The following RHBDD1 variants were observed in gnomAD, a reference collection of about 807,000 sequenced individuals.
The protein encoded by RHBDD1 is rhomboid-related protein 4.
RHBDD1 carries 38 observed loss-of-function variants against 36.3 expected under a neutral mutation model. The observed-to-expected ratio is 1.05, with a 90% CI of 0.81 to 1.37. The LOEUF is 1.37. Among genes scored for constraint, RHBDD1 ranks in the 40% most tolerant of loss-of-function variants. RHBDD1 has a pLI of 0.00. For missense variants in RHBDD1, 393 were observed against 377.6 expected (o/e 1.04, Z -0.34); for synonymous variants, 151 against 136.5 (o/e 1.11, Z -0.74).
chr2:226,954,361 T>G (rs2149235766), intron 8 of RHBDD1, among the ~76,000 whole-genome samples: 1 of 152,316 alleles, frequency 6.6e-6, no homozygotes, highest in South Asian at 2.1e-4. Context: ...CCTACTATGA[T>G]CAAGAGAATG....
chr2:226,875,685 A>C (rs1257799136), intron 5 of RHBDD1, among the ~76,000 whole-genome samples: 1 of 152,016 alleles, frequency 6.6e-6, no homozygotes, highest in African/African-American at 2.4e-5. Context: ...AGATGATGAG[A>C]TAGACTGCTC....
rs562432426 is a variant in RHBDD1 at position 226,892,467 on chromosome 2, A to G, written c.567-14326A>G. Among the ~76,000 whole-genome samples the G allele has an allele frequency of 3.3e-5, 5 of 152,336 alleles. No homozygotes were observed. In the East Asian group the frequency reaches 9.6e-4, roughly 29 times the overall value. Reference sequence around the variant, plus strand: ...TTTCATCATCTTTGGCCATGTGCATATGACTTTTTGTACATGCGATACACT... The same window carrying G: ...TTTCATCATCTTTGGCCATGTGCATGTGACTTTTTGTACATGCGATACACT... On this transcript the variant is annotated intron_variant, in intron 5 of 8. Transcript: ENST00000392062.
the RHBDD1 span, among the ~76,000 whole-genome samples, chr2:226,824,020 C>T: frequency 1.3e-5 from 2 of 152,108 alleles, no homozygotes; most frequent in African/African-American, 4.8e-5. Flanking sequence ...TAACACAAGA[C>T]CTTTGGGGAA....
chr2:226,900,130 T>C (rs948021612), intron 5 of RHBDD1, among the ~76,000 whole-genome samples: 8 of 152,228 alleles, frequency 5.3e-5, no homozygotes, highest in African/African-American at 1.9e-4. Flanking sequence ...TAACGCACTT[T>C]GTGTATACAC....
At chr2:226,845,174 T>TA (rs545371831) in intron 3 of RHBDD1, among the ~76,000 whole-genome samples, 70 of 152,334 alleles carry the variant, frequency 4.6e-4, no homozygotes, top group African/African-American at 1.6e-3. Context: ...TTATACTTTT[T>TA]AAAAAATGCA....
chr2:226,909,273 C>CGTTTT (rs1948337162), intron 7 of RHBDD1, among the ~76,000 whole-genome samples: 1 of 152,138 alleles, frequency 6.6e-6, no homozygotes, highest in Non-Finnish European at 1.5e-5. Context: ...CCCTTGCATA[C>CGTTTT]CGTCAGATGC....
chr2:226,828,632 G>C, the RHBDD1 span, among the ~76,000 whole-genome samples: 1 of 151,922 alleles, frequency 6.6e-6, no homozygotes, highest in African/African-American at 2.4e-5. Context: ...TTCTCATTGT[G>C]GTGTTAATTT....
intron 8 of RHBDD1, among the ~76,000 whole-genome samples, chr2:226,938,230 A>G (rs1464569973): frequency 6.6e-6 from 1 of 152,022 alleles, no homozygotes; most frequent in African/African-American, 2.4e-5. Context: ...CACCACATGT[A>G]TGTCTTCTTT....
At chr2:226,907,904 G>T (rs1047437901) in intron 6 of RHBDD1, among the ~76,000 whole-genome samples, 2 of 152,094 alleles carry the variant, frequency 1.3e-5, no homozygotes, top group East Asian at 3.8e-4. Flanking sequence ...CATTAGTACT[G>T]ATAAAAGAGA....
intron 1 of RHBDD1, among the ~76,000 whole-genome samples, chr2:226,837,050 C>T (rs1447748680): frequency 1.3e-5 from 2 of 152,164 alleles, no homozygotes; most frequent in Non-Finnish European, 2.9e-5. Context: ...ACAAGCCTTC[C>T]AGTTGATACC....
chr2:226,966,132 G>A (rs1952612316), intron 8 of RHBDD1, among the ~76,000 whole-genome samples: 1 of 152,082 alleles, frequency 6.6e-6, no homozygotes, highest in Admixed American at 6.6e-5. Flanking sequence ...TCAATAAATT[G>A]CTAGTTTTTC....
At chr2:226,807,549 G>A in the RHBDD1 span, 1 of 152,172 alleles carries the variant, frequency 6.6e-6, no homozygotes, top group East Asian at 1.9e-4. Flanking sequence ...ATGAAGACAT[G>A]TTCCATGCAG....
At chr2:226,801,614 T>C in the RHBDD1 span, among the ~76,000 whole-genome samples, 1 of 152,166 alleles carries the variant, frequency 6.6e-6, no homozygotes, top group Non-Finnish European at 1.5e-5. Flanking sequence ...CCTCCCTTCT[T>C]TTCCTCTGAC....
chr2:226,863,278 G>T (rs1471996436), intron 3 of RHBDD1, among the ~76,000 whole-genome samples: 1 of 152,190 alleles, frequency 6.6e-6, no homozygotes. Context: ...GGTGGAGGTG[G>T]CAGTGAGCCA....
chr2:226,835,152 C>G (rs370704141), upstream of RHBDD1, among the ~76,000 whole-genome samples: 40 of 152,288 alleles, frequency 2.6e-4, no homozygotes, highest in South Asian at 8.3e-3. Flanking sequence ...CTCAAGCGAT[C>G]CTCCTGCCTC....
intron 5 of RHBDD1, among the ~76,000 whole-genome samples, chr2:226,880,420 C>T (rs1207654626): frequency 1.3e-5 from 2 of 152,182 alleles, no homozygotes; most frequent in Non-Finnish European, 2.9e-5. Context: ...GCAGGGGTTA[C>T]AATTGAGCAG....
In RHBDD1 at chr2:226,906,796, T is replaced by C. The variant is rs750563816; in HGVS notation, c.570T>C (p.Thr190=). 1.4e-5 allele frequency: 23 copies of C among 1,613,988 alleles called. No homozygotes were observed. The highest frequency in any genetic ancestry group is 1.9e-5 in the Non-Finnish European group (22 of 1,179,974). Residue 190 remains threonine, a synonymous_variant, in exon 6 of 9, where the codon ACT becomes ACC. Coordinates refer to ENST00000392062, the MANE Select transcript of RHBDD1 (RefSeq NM_001167608.3). ...LVAIHLFSPG[T]SFAGHLAGIL... is the part of the protein sequence containing the mutation. ...AAAGGGTCTCCTTCCCTCCTAGGAC[T>C]TCCTTCGCTGGGCATCTGGCTGGGA...
the RHBDD1 span, among the ~76,000 whole-genome samples, chr2:226,820,246 G>A: frequency 2.1e-4 from 32 of 152,124 alleles, no homozygotes; most frequent in Non-Finnish European, 4.4e-4. Context: ...ATTAGTGACA[G>A]TGAATTTCTT....
chr2:226,804,372 G>GA, the RHBDD1 span: 50 of 152,026 alleles, frequency 3.3e-4, no homozygotes, highest in African/African-American at 1.1e-3. Flanking sequence ...TAAACACAAA[G>GA]AAAAAAATGT....
Sources: allele counts gnomAD v4.1 joint callset (sites outside exome capture counted in the v4.1 genomes callset), GRCh38; gene constraint gnomAD v4.1.1; transcripts MANE v1.5; gene names NCBI Gene and HGNC (gene_info 2026-07-23, HGNC 2026-07-21).